The following SIM2 variants were observed in gnomAD, a reference collection of about 807,000 sequenced individuals.
SIM2 encodes SIM bHLH transcription factor 2.
Under a neutral mutation model 64.8 loss-of-function variants are expected in SIM2, and 28 were observed. That is an observed-to-expected ratio of 0.43 (90% CI 0.32 to 0.59). The LOEUF (loss-of-function observed/expected upper bound fraction) is 0.59. SIM2 is among the 20% of genes least tolerant of loss of function. SIM2 has a pLI of 0.07. For missense variants in SIM2, 847 were observed against 871.4 expected (o/e 0.97, Z 0.35); for synonymous variants, 408 against 391.1 (o/e 1.04, Z -0.51).
At chr21:36,709,305 C>A (rs533167878) in intron 2 of SIM2, 55 bp downstream of exon 2, 199 of 1,403,304 alleles carry the variant, frequency 1.4e-4, no homozygotes, top group Admixed American at 5.2e-4. Context: ...CCTTCCCACC[C>A]CGCCACCCCA....
At chr21:36,744,360 GAGGGAAGGAAAGACGGAAGGAAGGAAGGA>G (rs1205663323) in intron 9 of SIM2, among the ~76,000 whole-genome samples, 1 of 137,152 alleles carries the variant, frequency 7.3e-6, no homozygotes, top group East Asian at 2.5e-4. Flanking sequence ...GGGAGGGAGG[GAGGGAAGGAAAGACGGAAGGAAGGAAGGA>G]AGGGAAGGAA....
intron 3 of SIM2, among the ~76,000 whole-genome samples, chr21:36,713,107 G>A (rs563995544): frequency 6.6e-6 from 1 of 152,288 alleles, no homozygotes; most frequent in East Asian, 1.9e-4. Flanking sequence ...CATGGAATTC[G>A]GGGTCATTTT....
chr21:36,722,830 T>C (rs1296250797), intron 4 of SIM2, among the ~76,000 whole-genome samples: 2 of 152,086 alleles, frequency 1.3e-5, no homozygotes, highest in Non-Finnish European at 2.9e-5. Context: ...GCTGCCTTCC[T>C]TTAGAGCCAA....
At chr21:36,725,701 C>G (rs528625285) in intron 5 of SIM2, among the ~76,000 whole-genome samples, 3 of 152,138 alleles carry the variant, frequency 2.0e-5, no homozygotes, top group Non-Finnish European at 4.4e-5. Flanking sequence ...CTCACTGCAA[C>G]CCCCGCCTCC....
chr21:36,730,520 A>G (rs1052012437), intron 6 of SIM2, among the ~76,000 whole-genome samples: 1 of 152,176 alleles, frequency 6.6e-6, no homozygotes, highest in Admixed American at 6.5e-5. Context: ...AGTGTTTGGG[A>G]TCATGGAAAG....
chr21:36,705,439 T>C (rs1377649625), intron 1 of SIM2, among the ~76,000 whole-genome samples: 1 of 150,482 alleles, frequency 6.6e-6, no homozygotes, highest in East Asian at 2.0e-4. Flanking sequence ...CTGGGGCGGG[T>C]GGTAATTGGG....
intron 4 of SIM2, 108 bp from the exon 5 acceptor site, chr21:36,722,937 G>A (rs1601697462): frequency 2.4e-6 from 2 of 827,386 alleles, no homozygotes; most frequent in East Asian, 4.9e-5. Context: ...ACACTGAGAA[G>A]GCCTCTGGGT....
At chr21:36,746,086 T>C (rs1018492907) in intron 10 of SIM2, 3 of 806,470 alleles carry the variant, frequency 3.7e-6, no homozygotes, top group Admixed American at 7.8e-5. Flanking sequence ...GAGGCCAAGG[T>C]GGGCGGATCA....
At chr21:36,707,102 C>T (rs116523341) in intron 1 of SIM2, among the ~76,000 whole-genome samples, 4 of 152,216 alleles carry the variant, frequency 2.6e-5, no homozygotes, top group Non-Finnish European at 5.9e-5. Context: ...GCCACGCTCA[C>T]CGTTAACACT....
intron 2 of SIM2, chr21:36,709,529 G>T (rs1386578880): frequency 3.3e-6 from 2 of 602,606 alleles, no homozygotes; most frequent in South Asian, 1.6e-5. Flanking sequence ...GGCGCCTCCC[G>T]AGCGTGGTCA....
At position 36,699,431 on chromosome 21, in the gene SIM2, C is replaced by CGAGGCAGGA. The variant is rs1250369900; in HGVS notation, c.-305_-297dup. 12 of 190,396 alleles carry CGAGGCAGGA rather than the reference C, an allele frequency of 6.3e-5. No homozygotes were observed. In the East Asian group the frequency reaches 6.7e-4, roughly 11 times the overall value. 11.8% of individuals were successfully genotyped at this position (190,396 alleles called of 1,614,324 possible). A position where few individuals can be genotyped will look rare whatever the true frequency, so the allele number is the denominator to read the frequency against. On this transcript the variant is annotated 5_prime_UTR_variant, in exon 1 of 11. Transcript: ENST00000290399. This position sits in a 1 kb window ranked among gnomAD's most constrained non-coding sequence, Gnocchi z 5.6. Reference sequence around the variant, plus strand: ...GGCCGCCCCCACCCCCCAGGAAGGCCGAGGCAGGAGAGGCAGGAGGGAGGA... The same window carrying CGAGGCAGGA: ...GGCCGCCCCCACCCCCCAGGAAGGCCGAGGCAGGAGAGGCAGGAGAGGCAGGAGGGAGGA...
chr21:36,737,171 C>T (rs1232454300), intron 7 of SIM2, among the ~76,000 whole-genome samples: 1 of 152,170 alleles, frequency 6.6e-6, no homozygotes, highest in Admixed American at 6.5e-5. Context: ...TCAAGTGATC[C>T]TCCCATCTTG....
chr21:36,720,446 G>T (rs778063649), intron 4 of SIM2: 31 of 154,594 alleles, frequency 2.0e-4, no homozygotes, highest in Non-Finnish European at 4.2e-4. Context: ...AATCACAGAT[G>T]TTTTCCATAT....
At chr21:36,734,543 G>A (rs1423248016) in intron 7 of SIM2, among the ~76,000 whole-genome samples, 2 of 151,338 alleles carry the variant, frequency 1.3e-5, no homozygotes, top group Non-Finnish European at 1.5e-5. Flanking sequence ...GTGGGTTGGT[G>A]TGGTCTTGGA....
At chr21:36,706,398 C>T (rs2088583256) in intron 1 of SIM2, among the ~76,000 whole-genome samples, 1 of 152,174 alleles carries the variant, frequency 6.6e-6, no homozygotes, top group Non-Finnish European at 1.5e-5. Context: ...ACCCCCACCC[C>T]TCCGGCAGGA....
chr21:36,708,287 T>G (rs555653597), intron 1 of SIM2, among the ~76,000 whole-genome samples: 1 of 152,084 alleles, frequency 6.6e-6, no homozygotes, highest in East Asian at 1.9e-4. Context: ...AGGGGAAGCC[T>G]GGGGTCTCGC....
intron 2 of SIM2, among the ~76,000 whole-genome samples, chr21:36,711,317 G>T (rs1379938974): frequency 6.6e-6 from 1 of 152,196 alleles, no homozygotes; most frequent in Non-Finnish European, 1.5e-5. Flanking sequence ...AGAAATTGCT[G>T]TATAGTATAT....
intron 9 of SIM2, among the ~76,000 whole-genome samples, chr21:36,744,373 A>G (rs958610882): frequency 6.6e-6 from 1 of 151,374 alleles, no homozygotes; most frequent in Admixed American, 6.6e-5. Context: ...GGAAGGAAAG[A>G]CGGAAGGAAG....
intron 1 of SIM2, among the ~76,000 whole-genome samples, chr21:36,702,560 C>G (rs1278156669): frequency 1.3e-5 from 2 of 152,194 alleles, no homozygotes; most frequent in Non-Finnish European, 2.9e-5. Flanking sequence ...GAAGAAGATG[C>G]GTTTAGAAAG....
Sources: allele counts gnomAD v4.1 joint callset (sites outside exome capture counted in the v4.1 genomes callset), GRCh38; gene constraint gnomAD v4.1.1; non-coding constraint Gnocchi (gnomAD v3.1); transcripts MANE v1.5; gene names NCBI Gene and HGNC (gene_info 2026-07-23, HGNC 2026-07-21).